Variants in ISCU observed in about 807,000 individuals in gnomAD.
ISCU encodes iron-sulfur cluster assembly enzyme.
Under a neutral mutation model 18.4 loss-of-function variants are expected in ISCU, and 13 were observed. The observed-to-expected ratio is 0.71, with a 90% CI of 0.46 to 1.12. The LOEUF (loss-of-function observed/expected upper bound fraction) is 1.12. ISCU is among the 50% of genes most tolerant of loss of function. The pLI is 0.00. For synonymous variants in ISCU, 104 were observed against 87.5 expected (o/e 1.19, Z -1.06); for missense variants, 229 against 208.7 (o/e 1.10, Z -0.60).
Position 108,568,980 on chromosome 12 carries a change from CT to C in ISCU, c.*66del. 1 of 1,399,324 alleles carries C rather than the reference CT, an allele frequency of 7.1e-7. No individual in the cohort carries two copies. The highest frequency in any genetic ancestry group is 1.0e-6 in the Non-Finnish European group (1 of 1,002,318). 86.7% of individuals were successfully genotyped at this position (1,399,324 alleles called of 1,614,324 possible). ...TGTTTCCCACCTGCTGTGCAGTCAC[CT>C]TAGATGTTCAGAAGCCGCTTCCTCT... On this transcript the variant is annotated 3_prime_UTR_variant, in exon 5 of 5. Coordinates refer to ENST00000311893, the MANE Select transcript of ISCU (RefSeq NM_213595.4).
At chr12:108,562,112 G>A (rs2030597204), upstream of ISCU, among the ~76,000 whole-genome samples, 1 of 152,212 alleles carries the variant, frequency 6.6e-6, no homozygotes, top group South Asian at 2.1e-4. Flanking sequence ...GACTCAGCGA[G>A]CCGGTACCAT....
At chr12:108,567,504 G>A (rs898996093) in intron 4 of ISCU, 21 of 746,548 alleles carry the variant, frequency 2.8e-5, no homozygotes, top group South Asian at 4.8e-5. Context: ...CTTCATGGGC[G>A]TAATTTCTAA....
At chr12:108,567,803 T>A in intron 4 of ISCU, 1 of 1,527,998 alleles carries the variant, frequency 6.5e-7, no homozygotes, top group Non-Finnish European at 8.8e-7. Flanking sequence ...TTGTACAATG[T>A]CCCCCTCCCT....
intron 4 of ISCU, chr12:108,567,528 C>T (rs1055539935): frequency 7.5e-6 from 6 of 800,050 alleles, no homozygotes; most frequent in Non-Finnish European, 1.2e-5. Context: ...TCACAAATAT[C>T]CTTGAGTGCA....
intron 4 of ISCU, chr12:108,568,467 G>C: frequency 8.6e-7 from 1 of 1,163,170 alleles, no homozygotes; most frequent in Non-Finnish European, 1.1e-6. Flanking sequence ...GAGCAGGCAA[G>C]AAGTAACATT....
At chr12:108,563,059 C>T (rs1592788526) in intron 1 of ISCU, 2 of 208,670 alleles carry the variant, frequency 9.6e-6, no homozygotes, top group East Asian at 2.0e-4. Flanking sequence ...CCGGAGCGGG[C>T]TCCGGCTTCA....
Position 108,568,478 on chromosome 12 carries a change from T to G in ISCU, c.419-353T>G, listed in dbSNP as rs2136721800. 3.4e-6 allele frequency: 4 copies of G among 1,173,270 alleles called. No homozygotes were observed. In the South Asian group the frequency reaches 8.3e-5, roughly 24 times the overall value. 72.7% of individuals were successfully genotyped at this position (1,173,270 alleles called of 1,614,324 possible). The stretch of plus-strand genomic sequence containing the variant: ...ATGGGAGCAGGCAAGAAGTAACATT[T>G]CCTGTGTCCCTACTATGTGTCAGAC... On this transcript the variant is annotated intron_variant, in intron 4 of 4. Transcript: ENST00000311893.
chr12:108,568,225 T>A, intron 4 of ISCU: 8 of 1,237,174 alleles, frequency 6.5e-6, no homozygotes, highest in Non-Finnish European at 8.1e-6. Flanking sequence ...CTTTAGCTGA[T>A]GTTCTCTGTT....
rs1454041452 is a variant in ISCU at position 108,569,031 on chromosome 12, A to G, written c.*115A>G. On this transcript the variant is annotated 3_prime_UTR_variant, in exon 5 of 5. Transcript: ENST00000311893. ...TCCACTGAAGAGCTATGAGATACGC[A>G]CAATACTTGCTGTTCACGTTATGAC... 1.2e-6 allele frequency: 1 copy of G among 817,240 alleles called. No homozygotes were observed. Among genetic ancestry groups the G allele is most frequent in the Non-Finnish European group, 2.1e-6 (1 of 485,824 alleles). The allele number at this position is 817,240 out of a possible 1,614,324, so 50.6% of individuals were successfully genotyped here.
chr12:108,562,875 G>C, intron 1 of ISCU, 139 bp downstream of exon 1: 1 of 452,824 alleles, frequency 2.2e-6, no homozygotes, highest in Non-Finnish European at 3.8e-6. Flanking sequence ...CCCTTGCTGC[G>C]CAGTGAGGCT....
At chr12:108,562,354 T>C, upstream of ISCU, among the ~76,000 whole-genome samples, 1 of 64,206 alleles carries the variant, frequency 1.6e-5, no homozygotes, top group African/African-American at 3.2e-5. Context: ...AGCCCCACAC[T>C]GCAGAAGCCC....
intron 4 of ISCU, chr12:108,567,665 G>T (rs1239792461): frequency 6.5e-7 from 1 of 1,535,752 alleles, no homozygotes; most frequent in Non-Finnish European, 8.7e-7. Context: ...CAGAATCTGT[G>T]CTGTTTCCAG....
At chr12:108,567,469 TATGCAC>T in intron 4 of ISCU, 1 of 718,144 alleles carries the variant, frequency 1.4e-6, no homozygotes, top group South Asian at 1.6e-5. Flanking sequence ...CAGAAGGAGG[TATGCAC>T]CAGCCATCAT....
Position 108,565,524 on chromosome 12 carries a change from T to C in ISCU, c.339+93T>C. 3.8e-6 allele frequency: 3 copies of C among 781,584 alleles called. 1 individual carries two copies. The South Asian group carries it at 4.5e-5, about 12-fold the overall frequency. 48.4% of individuals were successfully genotyped at this position (781,584 alleles called of 1,614,324 possible). On this transcript the variant is annotated intron_variant, in intron 3 of 4. Coordinates refer to ENST00000311893, the MANE Select transcript of ISCU (RefSeq NM_213595.4). ...TTTTAAAATTTCTCCTATGCAGATGTTGATTATATTATCATTTCTTCAAAT... is the reference window on the plus strand; with the variant it reads ...TTTTAAAATTTCTCCTATGCAGATGCTGATTATATTATCATTTCTTCAAAT...
At chr12:108,567,856 G>A (rs1451217780) in intron 4 of ISCU, 2 of 1,472,440 alleles carry the variant, frequency 1.4e-6, no homozygotes, top group Non-Finnish European at 1.8e-6. Context: ...ACTTGTACTT[G>A]GCTTTCCAGT....
In ISCU at chr12:108,569,051, T is replaced by C; in HGVS notation, c.*135T>C. The C allele has an allele frequency of 1.3e-6, 1 of 756,806 alleles. No individual in the cohort carries two copies. Among genetic ancestry groups the C allele is most frequent in the South Asian group, 1.5e-5 (1 of 66,162 alleles). 46.9% of individuals were successfully genotyped at this position (756,806 alleles called of 1,614,324 possible). ...TACGCACAATACTTGCTGTTCACGT[T>C]ATGACTCTCATGCAAGCAAAATACA... On this transcript the variant is annotated 3_prime_UTR_variant, in exon 5 of 5. Transcript: ENST00000311893.
intron 4 of ISCU, chr12:108,568,045 C>T: frequency 6.7e-7 from 1 of 1,487,888 alleles, no homozygotes; most frequent in Non-Finnish European, 8.9e-7. Context: ...GAGCCAGGTG[C>T]CGGGGCAGAC....
chr12:108,564,253 G>A (rs1009618125), intron 1 of ISCU, 26 bp from the exon 2 acceptor site: 2 of 1,588,004 alleles, frequency 1.3e-6, no homozygotes, highest in East Asian at 4.5e-5. Flanking sequence ...GAGTGAACAT[G>A]ATTTATCTTA....
At chr12:108,562,568 G>A (rs1227313649), upstream of ISCU, 2 of 1,065,052 alleles carry the variant, frequency 1.9e-6, no homozygotes, top group Non-Finnish European at 2.5e-6. Flanking sequence ...CCGACTCGCA[G>A]ACGCGCCCCG....
Sources: allele counts gnomAD v4.1 joint callset (sites outside exome capture counted in the v4.1 genomes callset), GRCh38; gene constraint gnomAD v4.1.1; transcripts MANE v1.5; gene names NCBI Gene and HGNC (gene_info 2026-07-23, HGNC 2026-07-21).